CBLB: variants seen among roughly 807,000 people sequenced by gnomAD.
CBLB encodes the protein Cbl proto-oncogene B.
In CBLB, 31 loss-of-function variants were observed where a neutral mutation model predicts 104.9. That is an observed-to-expected ratio of 0.30 (90% CI 0.22 to 0.40). The LOEUF (loss-of-function observed/expected upper bound fraction) is 0.40, where lower values mean the gene tolerates loss of function less well. Among genes scored for constraint, CBLB ranks in the 10% least tolerant of loss-of-function variants. The pLI, the probability that CBLB is intolerant of heterozygous loss-of-function variation, is 1.00. For missense variants in CBLB, 1,062 were observed against 1,214.6 expected (o/e 0.87, Z 1.87); for synonymous variants, 440 against 422.6 (o/e 1.04, Z -0.51).
chr3:105,695,015 C>T (rs987305982), intron 12 of CBLB, among the ~76,000 whole-genome samples: 2 of 151,768 alleles, frequency 1.3e-5, no homozygotes, highest in African/African-American at 2.4e-5. Context: ...AAACCACAAA[C>T]GCTCATTGTG....
In CBLB at chr3:105,741,748, T is replaced by G. The variant is rs180912179; in HGVS notation, c.846-1117A>C. On this transcript the variant is annotated intron_variant, in intron 6 of 18. Transcript: ENST00000394030. The stretch of plus-strand genomic sequence containing the variant: ...GTTAGCCAGGATGGTCTCGATATCC[T>G]GACCTCATGATCCACCCGCCTCGGC... Among the ~76,000 whole-genome samples, 374 of 152,156 alleles carry G rather than the reference T, an allele frequency of 2.5e-3. 6 individuals are homozygous for G. Among genetic ancestry groups the G allele is most frequent in the Admixed American group, 0.022 (329 of 15,282 alleles).
rs558224294 is a variant in CBLB, at chr3:105,867,935, A to G, written c.-14-344T>C. On this transcript the variant is annotated intron_variant, in intron 1 of 18. Transcript: ENST00000394030. ...ACAGGTTTCCCCCACCTAGATAAAA[A>G]CAGAATGTTCTTCCCCTCCTGCCTT... Among the ~76,000 whole-genome samples, 12 of 152,266 alleles carry G rather than the reference A, an allele frequency of 7.9e-5. No homozygotes were observed. The South Asian group carries it at 2.1e-3, about 26-fold the overall frequency.
At chr3:105,715,145 A>G (rs770712493) in intron 10 of CBLB, among the ~76,000 whole-genome samples, 10 of 152,350 alleles carry the variant, frequency 6.6e-5, no homozygotes, top group Admixed American at 1.3e-4. Context: ...GTAGCAACAG[A>G]TACTGTTTTT....
chr3:105,665,408 A>T (rs374785402), intron 18 of CBLB, among the ~76,000 whole-genome samples: 5,037 of 48,972 alleles, frequency 0.1, 161 homozygotes, highest in African/African-American at 0.16. Flanking sequence ...TAAATAAATA[A>T]ATAAATAAAT....
rs149942069 is a variant in CBLB at position 105,858,735 on chromosome 3, G to A, written c.169-5071C>T. Reference sequence around the variant, plus strand: ...ATTACCAGGACCAATTCCTTTTGACGTGTCAATATTGAAATACAGAACTAG... The same window carrying A: ...ATTACCAGGACCAATTCCTTTTGACATGTCAATATTGAAATACAGAACTAG... On this transcript the variant is annotated intron_variant, in intron 2 of 18. Transcript: ENST00000394030. Among the ~76,000 whole-genome samples, 14 of 152,236 alleles carry A rather than the reference G, an allele frequency of 9.2e-5. No homozygotes were observed. In the East Asian group the frequency reaches 2.7e-3, roughly 29 times the overall value.
intron 18 of CBLB, among the ~76,000 whole-genome samples, chr3:105,660,454 A>G (rs1165430545): frequency 1.3e-5 from 2 of 152,072 alleles, no homozygotes; most frequent in Non-Finnish European, 2.9e-5. Context: ...GGCCTCCCAA[A>G]GTGCTGGGAT....
chr3:105,821,853 T>C (rs1018715046), intron 3 of CBLB, among the ~76,000 whole-genome samples: 1 of 152,174 alleles, frequency 6.6e-6, no homozygotes, highest in Non-Finnish European at 1.5e-5. Flanking sequence ...CATGATTTCA[T>C]CCCTTCTCAC....
At chr3:105,738,682 A>G (rs1207150664) in intron 7 of CBLB, among the ~76,000 whole-genome samples, 1 of 152,138 alleles carries the variant, frequency 6.6e-6, no homozygotes, top group Admixed American at 6.6e-5. Flanking sequence ...GATAGGTTCT[A>G]CTTATAAATT....
rs549413742 is a variant in CBLB at position 105,817,664 on chromosome 3, T to C, written c.419+35750A>G. Among the ~76,000 whole-genome samples, 10 of 152,266 alleles carry C rather than the reference T, an allele frequency of 6.6e-5. No individual in the cohort carries two copies. The South Asian group carries it at 1.9e-3, about 28-fold the overall frequency. On this transcript the variant is annotated intron_variant, in intron 3 of 18. Transcript: ENST00000394030. Reference sequence around the variant, plus strand: ...TTACTTGAGCAAGTTCTGAAAACTGTAACATACCAAAGCTCATATCTAAGA... The same window carrying C: ...TTACTTGAGCAAGTTCTGAAAACTGCAACATACCAAAGCTCATATCTAAGA...
Position 105,772,137 on chromosome 3 carries a change from A to G in CBLB, c.566+4259T>C, listed in dbSNP as rs967974918. Among the ~76,000 whole-genome samples, 3 of 152,228 alleles carry G rather than the reference A, an allele frequency of 2.0e-5. No individual in the cohort carries two copies. In the South Asian group the frequency reaches 6.2e-4, roughly 31 times the overall value. ...TGACCTCAAATTACAACACAAGGCT[A>G]TAGTTACCAAAGCAGCATGGTACTG... On this transcript the variant is annotated intron_variant, in intron 4 of 18. Transcript: ENST00000394030.
At chr3:105,763,286 G>T (rs1039799908) in intron 4 of CBLB, among the ~76,000 whole-genome samples, 1 of 152,190 alleles carries the variant, frequency 6.6e-6, no homozygotes, top group African/African-American at 2.4e-5. Context: ...GACTTTGGGG[G>T]ATTGTTGCGA....
At chr3:105,818,100 ACAC>A (rs1042177447) in intron 3 of CBLB, among the ~76,000 whole-genome samples, 11 of 152,298 alleles carry the variant, frequency 7.2e-5, no homozygotes, top group African/African-American at 2.6e-4. Context: ...TGTTTCAAAA[ACAC>A]CACAAATTTC....
rs1241504526 is a variant in CBLB at position 105,868,980 on chromosome 3, G to C, written c.-259C>G. On this transcript the variant is annotated 5_prime_UTR_variant, in exon 1 of 19. Transcript: ENST00000394030. ...GGGGAGGCCGCGGGACGCCGCAGCAGCACTAGCAGGAGGAGGAGACCGCTC... is the reference window on the plus strand; with the variant it reads ...GGGGAGGCCGCGGGACGCCGCAGCACCACTAGCAGGAGGAGGAGACCGCTC... The C allele has an allele frequency of 7.7e-6, 8 of 1,040,770 alleles. No homozygotes were observed. Among genetic ancestry groups the C allele is most frequent in the Non-Finnish European group, 9.2e-6 (8 of 866,014 alleles). The allele number at this position is 1,040,770 out of a possible 1,614,324, so 64.5% of individuals were successfully genotyped here.
intron 10 of CBLB, among the ~76,000 whole-genome samples, chr3:105,713,495 T>C (rs1413391922): frequency 1.3e-5 from 2 of 152,138 alleles, no homozygotes; most frequent in African/African-American, 2.4e-5. Flanking sequence ...CTCAAGGAGC[T>C]GACAATCTAC....
rs532228195 is a variant in CBLB, at chr3:105,779,757, GTT to G, written c.420-3217_420-3216del. ...TTAAATTTGTTATCATAGAAAATAC[GTT>G]TTCTTTTTTATATGACGCTGTGACT... On this transcript the variant is annotated intron_variant, in intron 3 of 18. Coordinates refer to ENST00000394030, the MANE Select transcript of CBLB (RefSeq NM_170662.5). Among the ~76,000 whole-genome samples, 504 of 151,640 alleles carry G rather than the reference GTT, an allele frequency of 3.3e-3. 2 individuals carry two copies. Among genetic ancestry groups the G allele is most frequent in the African/African-American group, 0.011 (472 of 41,376 alleles).
intron 18 of CBLB, among the ~76,000 whole-genome samples, chr3:105,663,463 A>C (rs2064033439): frequency 6.6e-6 from 1 of 152,124 alleles, no homozygotes; most frequent in African/African-American, 2.4e-5. Flanking sequence ...GATGTGCCTA[A>C]TCAAAAGCAA....
intron 3 of CBLB, among the ~76,000 whole-genome samples, chr3:105,838,508 G>T (rs1358823480): frequency 6.6e-6 from 1 of 151,838 alleles, no homozygotes; most frequent in Admixed American, 6.6e-5. Flanking sequence ...TGCATAAACT[G>T]GAAATAGGAA....
chr3:105,761,540 T>C (rs1296809632), intron 4 of CBLB, among the ~76,000 whole-genome samples: 1 of 152,192 alleles, frequency 6.6e-6, no homozygotes, highest in Non-Finnish European at 1.5e-5. Flanking sequence ...CCCTTTTTGC[T>C]TAGCTCTCAT....
At chr3:105,780,777 C>T (rs112657230) in intron 3 of CBLB, among the ~76,000 whole-genome samples, 219 of 149,114 alleles carry the variant, frequency 1.5e-3, no homozygotes, top group African/African-American at 5.2e-3. Context: ...ATTCTCCTGC[C>T]TCAGCCTCCT....
Sources: gnomAD v4.1 joint callset for allele counts (sites outside exome capture counted in the v4.1 genomes callset) on GRCh38, gnomAD v4.1.1 for gene constraint, MANE v1.5 for transcripts, NCBI Gene and HGNC (gene_info 2026-07-23, HGNC 2026-07-21) for gene names.